The following CFAP90 variants were observed in gnomAD, a reference collection of about 807,000 sequenced individuals.
CFAP90 encodes the protein cilia and flagella associated protein 90.
the CFAP90 span, chr5:7,830,763 CTGTGGGA>C: frequency 3.3e-5 from 5 of 152,230 alleles, no homozygotes; most frequent in African/African-American, 9.6e-5. Context: ...CACTGCTAAA[CTGTGGGA>C]AATTTAATCA....
chr5:7,832,721 C>G, the CFAP90 span, among the ~76,000 whole-genome samples: 1 of 152,114 alleles, frequency 6.6e-6, no homozygotes, highest in Non-Finnish European at 1.5e-5. Context: ...CTCCTGACCT[C>G]AAGTGATCCA....
chr5:7,850,830 AGCC>A, the CFAP90 span: 4 of 825,930 alleles, frequency 4.8e-6, no homozygotes, highest in Non-Finnish European at 4.6e-6. Flanking sequence ...CCAGCCGCCC[AGCC>A]GCCCAGCCTT....
chr5:7,846,614 G>T, the CFAP90 span, among the ~76,000 whole-genome samples: 1 of 152,204 alleles, frequency 6.6e-6, no homozygotes, highest in South Asian at 2.1e-4. Flanking sequence ...ATACTGTCAT[G>T]TTGGGGGTTG....
At chr5:7,850,814 AGCCGCCC>A in the CFAP90 span, 2 of 1,165,918 alleles carry the variant, frequency 1.7e-6, no homozygotes, top group Non-Finnish European at 1.1e-6. Context: ...CCAGCCGCCC[AGCCGCCC>A]AGCCGCCCAG....
the CFAP90 span, among the ~76,000 whole-genome samples, chr5:7,840,785 T>A: frequency 6.6e-6 from 1 of 151,850 alleles, no homozygotes; most frequent in Non-Finnish European, 1.5e-5. Context: ...CATACTGGAG[T>A]AGGGTAGACC....
chr5:7,850,821 CAG>C, the CFAP90 span: 3 of 1,226,950 alleles, frequency 2.4e-6, no homozygotes, highest in Non-Finnish European at 2.0e-6. Flanking sequence ...CCCAGCCGCC[CAG>C]CCGCCCAGCC....
chr5:7,841,854 A>T, the CFAP90 span, among the ~76,000 whole-genome samples: 1 of 152,174 alleles, frequency 6.6e-6, no homozygotes, highest in African/African-American at 2.4e-5. Flanking sequence ...GAGAGAGAAG[A>T]TCAGGAAGAA....
At chr5:7,837,130 T>C in the CFAP90 span, among the ~76,000 whole-genome samples, 4 of 152,180 alleles carry the variant, frequency 2.6e-5, no homozygotes, top group Admixed American at 1.3e-4. Context: ...ATGTATGTAA[T>C]TTACATACAT....
chr5:7,846,535 A>G, the CFAP90 span, among the ~76,000 whole-genome samples: 1 of 152,122 alleles, frequency 6.6e-6, no homozygotes, highest in Non-Finnish European at 1.5e-5. Flanking sequence ...CTCTTTAACA[A>G]GGGTGATAAT....
At chr5:7,849,759 G>A in the CFAP90 span, among the ~76,000 whole-genome samples, 6 of 152,176 alleles carry the variant, frequency 3.9e-5, no homozygotes. Flanking sequence ...ACCACTCTCA[G>A]TCCAGCCCTC....
At chr5:7,843,098 C>T in the CFAP90 span, among the ~76,000 whole-genome samples, 35,114 of 152,112 alleles carry the variant, frequency 0.23, 4,216 homozygotes, top group Middle Eastern at 0.29. Context: ...CGTGAGTTTG[C>T]TTGTCCAGGG....
the CFAP90 span, among the ~76,000 whole-genome samples, chr5:7,849,619 G>C: frequency 6.6e-6 from 1 of 152,162 alleles, no homozygotes; most frequent in Non-Finnish European, 1.5e-5. Flanking sequence ...CCCTCAACTG[G>C]CTTTGAATTT....
the CFAP90 span, chr5:7,850,958 C>T: frequency 2.3e-6 from 3 of 1,331,188 alleles, no homozygotes; most frequent in Admixed American, 6.4e-5. Context: ...TGCGCCGAGA[C>T]GGGCGGCGGC....
the CFAP90 span, among the ~76,000 whole-genome samples, chr5:7,843,308 A>G: frequency 1.3e-5 from 2 of 152,204 alleles, no homozygotes; most frequent in African/African-American, 2.4e-5. Context: ...GTTGCTTGCG[A>G]AGGACACAAT....
At chr5:7,833,933 A>T in the CFAP90 span, among the ~76,000 whole-genome samples, 290 of 152,342 alleles carry the variant, frequency 1.9e-3, 2 homozygotes, top group African/African-American at 6.5e-3. Context: ...CTGTGCGGCC[A>T]GTCATATAAA....
At chr5:7,844,437 G>A in the CFAP90 span, among the ~76,000 whole-genome samples, 1 of 152,164 alleles carries the variant, frequency 6.6e-6, no homozygotes, top group African/African-American at 2.4e-5. Flanking sequence ...TCATGCAACA[G>A]GTATTTATGG....
the CFAP90 span, among the ~76,000 whole-genome samples, chr5:7,838,351 T>G: frequency 6.6e-6 from 1 of 152,226 alleles, no homozygotes. Context: ...TTTTAAGACA[T>G]GATAGAGAAA....
chr5:7,838,896 G>T, the CFAP90 span, among the ~76,000 whole-genome samples: 2 of 152,276 alleles, frequency 1.3e-5, no homozygotes, highest in African/African-American at 4.8e-5. Flanking sequence ...ACCCTATAAT[G>T]CTCCCTGCAG....
At chr5:7,837,278 A>C in the CFAP90 span, among the ~76,000 whole-genome samples, 41 of 152,236 alleles carry the variant, frequency 2.7e-4, no homozygotes, top group African/African-American at 8.4e-4. Flanking sequence ...AAAAGAATGC[A>C]TGTGTTAGCT....
Sources: gnomAD v4.1 joint callset for allele counts (sites outside exome capture counted in the v4.1 genomes callset) on GRCh38, gnomAD v4.1.1 for gene constraint, MANE v1.5 for transcripts, NCBI Gene and HGNC (gene_info 2026-07-23, HGNC 2026-07-21) for gene names.